The following WDPCP variants were observed in gnomAD, a reference collection of about 807,000 sequenced individuals.
WDPCP encodes WD repeat containing planar cell polarity effector.
WDPCP carries 71 observed loss-of-function variants against 93.1 expected under a neutral mutation model. The observed-to-expected ratio is 0.76, with a 90% CI of 0.63 to 0.93. WDPCP has a LOEUF of 0.93. Among genes scored for constraint, WDPCP ranks in the 40% least tolerant of loss-of-function variants. The pLI, the probability that WDPCP is intolerant of heterozygous loss-of-function variation, is 0.00. For synonymous variants in WDPCP, 315 were observed against 315.0 expected (o/e 1.00, Z 0.00); for missense variants, 844 against 887.4 (o/e 0.95, Z 0.62).
At chr2:63,485,266 TG>T (rs1450070480) in intron 4 of WDPCP, among the ~76,000 whole-genome samples, 1 of 151,746 alleles carries the variant, frequency 6.6e-6, no homozygotes, top group Non-Finnish European at 1.5e-5. Context: ...TAGTAATTCA[TG>T]GTAAATGATG....
intron 6 of WDPCP, among the ~76,000 whole-genome samples, chr2:63,450,167 C>G (rs933825514): frequency 6.6e-6 from 1 of 152,184 alleles, no homozygotes; most frequent in African/African-American, 2.4e-5. Context: ...TTCTTCCTTT[C>G]CACACACCAC....
At chr2:63,295,090 CT>C (rs1684743893) in intron 13 of WDPCP, among the ~76,000 whole-genome samples, 3 of 152,022 alleles carry the variant, frequency 2.0e-5, no homozygotes, top group Non-Finnish European at 2.9e-5. Flanking sequence ...AAATTATAGC[CT>C]TATAACTTTA....
chr2:63,771,458 G>A (rs558467379), intron 2 of WDPCP, among the ~76,000 whole-genome samples: 19 of 151,724 alleles, frequency 1.3e-4, no homozygotes, highest in South Asian at 8.3e-4. Flanking sequence ...GAATTCTACC[G>A]AACAATTAAA....
At chr2:63,675,402 C>T (rs1417409915) in intron 2 of WDPCP, among the ~76,000 whole-genome samples, 1 of 152,122 alleles carries the variant, frequency 6.6e-6, no homozygotes, top group Non-Finnish European at 1.5e-5. Flanking sequence ...AGGTGGGTGG[C>T]ATGTATATAA....
intron 2 of WDPCP, among the ~76,000 whole-genome samples, chr2:63,668,538 C>T (rs1348804): frequency 0.79 from 119,740 of 151,892 alleles, 47,679 homozygotes; most frequent in East Asian, 0.98. Context: ...GGGTACTGAC[C>T]AAAAGTGTGA....
intron 13 of WDPCP, among the ~76,000 whole-genome samples, chr2:63,271,442 A>C (rs765145046): frequency 7.9e-5 from 12 of 152,156 alleles, no homozygotes; most frequent in Non-Finnish European, 1.6e-4. Context: ...GGACTGGCTT[A>C]TCTGGCCACC....
rs140044354 is a variant in WDPCP at position 63,362,277 on chromosome 2, T to TTGTGTGTGTG, written c.1748+16099_1748+16108dup. ...GAATCCCTTTTTTTTTTTTTTTTGG[T>TTGTGTGTGTG]TGTGTGTGTGTGTGTGTGTGTGTGT... On this transcript the variant is annotated intron_variant, in intron 12 of 17. Coordinates refer to ENST00000272321, the MANE Select transcript of WDPCP (RefSeq NM_015910.7). 3.8e-3 allele frequency among the ~76,000 whole-genome samples: 362 copies of TTGTGTGTGTG among 94,098 alleles called. 5 individuals are homozygous for TTGTGTGTGTG. Among genetic ancestry groups the TTGTGTGTGTG allele is most frequent in the Middle Eastern group, 0.016 (2 of 128 alleles). The allele number at this position is 94,098 out of a possible 152,430, so 61.7% of individuals were successfully genotyped here.
chr2:63,377,852 C>T, intron 12 of WDPCP: 1 of 153,846 alleles, frequency 6.5e-6, no homozygotes, highest in Admixed American at 6.4e-5. Context: ...CAATACTTTT[C>T]TTAGAGAAAT....
intron 1 of WDPCP, among the ~76,000 whole-genome samples, chr2:63,539,623 T>C (rs1055659101): frequency 2.0e-5 from 3 of 151,982 alleles, no homozygotes; most frequent in East Asian, 1.9e-4. Flanking sequence ...GAGGAGGAGG[T>C]TGCAGTGAGC....
chr2:63,588,976 G>A, upstream of WDPCP: 2 of 1,610,914 alleles, frequency 1.2e-6, no homozygotes, highest in African/African-American at 1.3e-5. Context: ...TCAGTTCCGC[G>A]GTAGAGGTGA....
At chr2:63,187,098 T>G (rs548753984) in intron 14 of WDPCP, among the ~76,000 whole-genome samples, 5 of 152,298 alleles carry the variant, frequency 3.3e-5, no homozygotes, top group African/African-American at 1.2e-4. Flanking sequence ...AATTGACCCT[T>G]TAATCATTAT....
intron 14 of WDPCP, among the ~76,000 whole-genome samples, chr2:63,254,659 C>A (rs546916717): frequency 6.6e-6 from 1 of 152,112 alleles, no homozygotes; most frequent in East Asian, 1.9e-4. Context: ...CCAAAATATT[C>A]ACATTAATAC....
chr2:63,293,364 A>G (rs1389069327), intron 13 of WDPCP, among the ~76,000 whole-genome samples: 1 of 152,222 alleles, frequency 6.6e-6, no homozygotes, highest in Non-Finnish European at 1.5e-5. Context: ...GCCTAAAACA[A>G]TTGTAAAAAC....
At chr2:63,751,185 TA>T (rs1165038996) in intron 2 of WDPCP, among the ~76,000 whole-genome samples, 1 of 152,232 alleles carries the variant, frequency 6.6e-6, no homozygotes, top group Non-Finnish European at 1.5e-5. Flanking sequence ...TTGACTTTGG[TA>T]AATTGCATTT....
chr2:63,413,561 G>A (rs1695175570), intron 9 of WDPCP, among the ~76,000 whole-genome samples: 1 of 152,180 alleles, frequency 6.6e-6, no homozygotes, highest in Non-Finnish European at 1.5e-5. Flanking sequence ...ACTTTGGGAG[G>A]CCGAGACGAG....
At chr2:63,248,935 G>GTTCT (rs899127676) in intron 14 of WDPCP, among the ~76,000 whole-genome samples, 2 of 150,440 alleles carry the variant, frequency 1.3e-5, no homozygotes, top group African/African-American at 4.9e-5. Flanking sequence ...ATATTCTTTA[G>GTTCT]TTCTTTATAT....
Position 63,202,918 on chromosome 2 carries a change from A to C in WDPCP, c.1916-28086T>G, listed in dbSNP as rs373457526. 3.9e-4 allele frequency among the ~76,000 whole-genome samples: 59 copies of C among 152,222 alleles called. 1 individual carries two copies. The highest frequency in any genetic ancestry group is 6.8e-3 in the Middle Eastern group (2 of 294). ...TAGTTTTAGATTTTGCTCTGTTACT[A>C]ATCTGAACTTTTTATAAGTGAGTTC... On this transcript the variant is annotated intron_variant, in intron 14 of 17. Coordinates refer to ENST00000272321, the MANE Select transcript of WDPCP (RefSeq NM_015910.7).
chr2:63,197,811 C>A (rs999964041), intron 14 of WDPCP, among the ~76,000 whole-genome samples: 1 of 152,224 alleles, frequency 6.6e-6, no homozygotes, highest in Admixed American at 6.5e-5. Flanking sequence ...TTTTCTACCA[C>A]ATCTTACCTA....
At chr2:63,762,656 T>C (rs766665502) in intron 2 of WDPCP, among the ~76,000 whole-genome samples, 2 of 152,204 alleles carry the variant, frequency 1.3e-5, no homozygotes. Context: ...TATCACCTGG[T>C]GAGGAAGCTG....
Sources: gnomAD v4.1 joint callset for allele counts (sites outside exome capture counted in the v4.1 genomes callset) on GRCh38, gnomAD v4.1.1 for gene constraint, MANE v1.5 for transcripts, NCBI Gene and HGNC (gene_info 2026-07-23, HGNC 2026-07-21) for gene names.